CPZ: variants seen among roughly 807,000 people sequenced by gnomAD.
CPZ encodes VEZT/CPZ fusion.
In CPZ, 103 loss-of-function variants were observed where a neutral mutation model predicts 61.8. That is an observed-to-expected ratio of 1.67 (90% CI 1.42 to 1.96). The LOEUF (loss-of-function observed/expected upper bound fraction) is 1.96, where lower values mean the gene tolerates loss of function less well. Ranked by LOEUF, CPZ falls within the 30% of genes most tolerant of loss-of-function variation. The pLI, the probability that CPZ is intolerant of heterozygous loss-of-function variation, is 0.00. For missense variants in CPZ, 1,461 were observed against 914.9 expected, an observed-to-expected ratio of 1.60 and a Z score of -7.70; for synonymous variants, 551 against 373.7, an observed-to-expected ratio of 1.47 and a Z score of -5.47.
chr4:8,612,645 C>A (rs1715814647), intron 8 of CPZ, among the ~76,000 whole-genome samples: 1 of 152,210 alleles, frequency 6.6e-6, no homozygotes, highest in African/African-American at 2.4e-5. Flanking sequence ...GAAGCGTGTA[C>A]ATCTTTATCT....
intron 2 of CPZ, among the ~76,000 whole-genome samples, chr4:8,600,436 G>A (rs953891403): frequency 5.9e-5 from 9 of 152,194 alleles, no homozygotes; most frequent in East Asian, 3.9e-4. Context: ...GGGTGCGAGT[G>A]TGGAGCCAGC....
chr4:8,595,686 G>A (rs1714126305), intron 1 of CPZ, among the ~76,000 whole-genome samples: 1 of 152,254 alleles, frequency 6.6e-6, no homozygotes, highest in Non-Finnish European at 1.5e-5. Flanking sequence ...GGGAAGAATT[G>A]TGTTTTCCAG....
At chr4:8,598,075 C>T (rs1476730120) in intron 1 of CPZ, among the ~76,000 whole-genome samples, 5 of 152,346 alleles carry the variant, frequency 3.3e-5, no homozygotes, top group East Asian at 3.9e-4. Flanking sequence ...CGCCCGCACA[C>T]GCCTGTTCCA....
In CPZ at chr4:8,619,439, G is replaced by C. The variant is rs745790384; in HGVS notation, c.1781G>C (p.Gly594Ala). ...LGMGPKNFIH[G>A]LRRTGPHDPL... ...ATGGGACCCAAGAACTTTATTCATG[G>C]GCTGCGGAGGACTGGGCCCCACGAC... is the stretch of plus-strand genomic sequence containing the variant. Residue 594 changes from glycine (G) to alanine (A), a missense_variant, in exon 11 of 11, where the codon GGG becomes GCG. By Grantham distance (60) the Gly-to-Ala change is moderately conservative (BLOSUM62 0). Transcript: ENST00000360986. 1 of 1,613,758 alleles carries C rather than the reference G, an allele frequency of 6.2e-7. No individual in the cohort carries two copies. Among genetic ancestry groups the C allele is most frequent in the Admixed American group, 1.7e-5 (1 of 59,950 alleles).
intron 3 of CPZ, 41 bp from the exon 4 acceptor site, chr4:8,603,935 G>T: frequency 6.3e-7 from 1 of 1,575,906 alleles, no homozygotes; most frequent in East Asian, 2.2e-5. Context: ...TAGGAAGCCT[G>T]GGGGCCTGAC....
intron 3 of CPZ, chr4:8,603,183 C>A (rs1714700257): frequency 6.6e-6 from 1 of 152,268 alleles, no homozygotes; most frequent in African/African-American, 2.4e-5. Context: ...TCTCTGTGGA[C>A]CCAGGAACAG....
chr4:8,606,686 G>A (rs1227950552), intron 5 of CPZ, 51 bp from the exon 6 acceptor site: 1 of 1,609,302 alleles, frequency 6.2e-7, no homozygotes, highest in South Asian at 1.1e-5. Flanking sequence ...CTGGAAGGAG[G>A]AGGGTGGGGT....
chr4:8,605,322 T>TCCATC (rs1714858554), intron 4 of CPZ, among the ~76,000 whole-genome samples: 1 of 149,978 alleles, frequency 6.7e-6, no homozygotes, highest in Non-Finnish European at 1.5e-5. Context: ...ATTCATTTAT[T>TCCATC]CATCCATCCA....
chr4:8,613,163 C>T lies in CPZ; in HGVS notation c.1363+1001C>T, dbSNP rs78218797. ...TTTTTTTTTTTTTGAGACGGAGTCT[C>T]GCTCTGTCACCAGGCTGGAGCACAG... On this transcript the variant is annotated intron_variant, in intron 8 of 10. Coordinates refer to ENST00000360986, the MANE Select transcript of CPZ (RefSeq NM_001014447.3). 1.0e-3 allele frequency among the ~76,000 whole-genome samples: 150 copies of T among 145,534 alleles called. No individual in the cohort carries two copies. In the Middle Eastern group the frequency reaches 0.011, roughly 11 times the overall value.
At chr4:8,609,356 T>C (rs1446217009) in intron 7 of CPZ, among the ~76,000 whole-genome samples, 30 of 149,684 alleles carry the variant, frequency 2.0e-4, no homozygotes, top group Middle Eastern at 3.4e-3. Flanking sequence ...CTCTCATTCA[T>C]TCACTCACAA....
At chr4:8,596,608 T>C (rs1195389863) in intron 1 of CPZ, among the ~76,000 whole-genome samples, 1 of 152,206 alleles carries the variant, frequency 6.6e-6, no homozygotes, top group African/African-American at 2.4e-5. Context: ...CACCCTCCTG[T>C]TGTATTAATC....
chr4:8,607,474 T>A, intron 7 of CPZ, 49 bp downstream of exon 7: 1 of 1,591,248 alleles, frequency 6.3e-7, no homozygotes, highest in Non-Finnish European at 8.6e-7. Context: ...GTGTGCGCGG[T>A]CCCCTTGGAG....
Position 8,605,633 on chromosome 4 carries a change from A to C in CPZ, c.710-356A>C, listed in dbSNP as rs570529677. 2.9e-3 allele frequency among the ~76,000 whole-genome samples: 305 copies of C among 103,626 alleles called. 2 individuals carry two copies. The highest frequency in any genetic ancestry group is 0.017 in the African/African-American group (279 of 16,778). The allele number at this position is 103,626 out of a possible 152,430, so 68.0% of individuals were successfully genotyped here. On this transcript the variant is annotated intron_variant, in intron 4 of 10. Transcript: ENST00000360986. ...ATCCATCCATCCATCCATCATTGAT[A>C]TATCCATTCATCCACTCAAGGGCCA...
intron 4 of CPZ, among the ~76,000 whole-genome samples, chr4:8,605,118 AC>A (rs1031279532): frequency 2.0e-5 from 3 of 152,122 alleles, no homozygotes; most frequent in African/African-American, 7.2e-5. Context: ...GGTCATTTAT[AC>A]CCCGGGATGT....
At chr4:8,617,129 G>C (rs1018767289) in intron 9 of CPZ, among the ~76,000 whole-genome samples, 4 of 152,248 alleles carry the variant, frequency 2.6e-5, no homozygotes, top group Non-Finnish European at 2.9e-5. Flanking sequence ...CTGAGCTCAC[G>C]GGCCGCGTGT....
intron 9 of CPZ, among the ~76,000 whole-genome samples, chr4:8,615,300 CTG>C (rs1430105592): frequency 2.6e-5 from 4 of 152,192 alleles, no homozygotes; most frequent in Non-Finnish European, 5.9e-5. Context: ...AGTGGGGACT[CTG>C]TGCCCATGTC....
At chr4:8,606,313 G>A in intron 5 of CPZ, 128 bp downstream of exon 5, 2 of 925,460 alleles carry the variant, frequency 2.2e-6, no homozygotes, top group Non-Finnish European at 3.2e-6. Context: ...TTCAGCAGGT[G>A]TCGATACTGG....
chr4:8,612,891 T>A (rs4696862), intron 8 of CPZ, among the ~76,000 whole-genome samples: 1 of 152,194 alleles, frequency 6.6e-6, no homozygotes, highest in African/African-American at 2.4e-5. Flanking sequence ...CTGCCCCCTC[T>A]TCCCATGCAG....
intron 7 of CPZ, among the ~76,000 whole-genome samples, chr4:8,609,695 A>C (rs1437584715): frequency 6.6e-6 from 1 of 152,198 alleles, no homozygotes; most frequent in Non-Finnish European, 1.5e-5. Context: ...TCAGCCTCAG[A>C]ACCAGATGTG....
Sources: allele counts gnomAD v4.1 joint callset (sites outside exome capture counted in the v4.1 genomes callset), GRCh38; gene constraint gnomAD v4.1.1; transcripts MANE v1.5; gene names NCBI Gene and HGNC (gene_info 2026-07-23, HGNC 2026-07-21).